The following FAT3 variants were observed in gnomAD, a reference collection of about 807,000 sequenced individuals.
FAT3 encodes protocadherin Fat 3.
FAT3 carries 95 observed loss-of-function variants against 310.2 expected under a neutral mutation model. That is an observed-to-expected ratio of 0.31 (90% CI 0.26 to 0.36). The LOEUF (loss-of-function observed/expected upper bound fraction) is 0.36, where lower values mean the gene tolerates loss of function less well. Among genes scored for constraint, FAT3 ranks in the 10% least tolerant of loss-of-function variants. The pLI, the probability that FAT3 is intolerant of heterozygous loss-of-function variation, is 1.00. For missense variants in FAT3, 5,408 were observed against 5,715.6 expected (o/e 0.95, Z 1.74); for synonymous variants, 2,314 against 2,192.9 (o/e 1.06, Z -1.54).
At chr11:92,267,073 G>C (rs765553484) in intron 1 of FAT3, among the ~76,000 whole-genome samples, 12 of 118,802 alleles carry the variant, frequency 1.0e-4, no homozygotes, top group Non-Finnish European at 1.7e-4. Flanking sequence ...CCTGTCACGC[G>C]GGTGTAGCTT....
At chr11:92,790,280 T>G in intron 8 of FAT3, 62 bp downstream of exon 8, 1 of 1,545,930 alleles carries the variant, frequency 6.5e-7, no homozygotes, top group Non-Finnish European at 8.8e-7. Flanking sequence ...CCACACACAT[T>G]AGCCTTCAGA....
At chr11:92,512,530 A>C (rs1202629757) in intron 2 of FAT3, among the ~76,000 whole-genome samples, 1 of 147,310 alleles carries the variant, frequency 6.8e-6, no homozygotes, top group Non-Finnish European at 1.5e-5. Flanking sequence ...AATATATATA[A>C]ATTATATTTT....
chr11:92,271,749 T>C (rs1379085350), intron 1 of FAT3, among the ~76,000 whole-genome samples: 2 of 152,220 alleles, frequency 1.3e-5, no homozygotes, highest in African/African-American at 4.8e-5. Flanking sequence ...TGCTTTGATA[T>C]GCTGGGCTTA....
intron 4 of FAT3, among the ~76,000 whole-genome samples, chr11:92,741,398 G>A (rs1420189445): frequency 1.3e-5 from 2 of 152,180 alleles, no homozygotes; most frequent in Non-Finnish European, 2.9e-5. Context: ...TAATACAGGT[G>A]CATAAGTGAT....
At chr11:92,511,338 C>A (rs959957043) in intron 2 of FAT3, among the ~76,000 whole-genome samples, 1 of 151,770 alleles carries the variant, frequency 6.6e-6, no homozygotes, top group African/African-American at 2.4e-5. Context: ...TTATTTTGTC[C>A]GGTGATCACA....
chr11:92,412,305 G>C (rs560530505), intron 2 of FAT3, among the ~76,000 whole-genome samples: 1 of 151,052 alleles, frequency 6.6e-6, no homozygotes, highest in East Asian at 2.0e-4. Context: ...GTTTCACCAT[G>C]TTGGCCAGGA....
chr11:92,613,436 C>A (rs1426926258), intron 3 of FAT3, among the ~76,000 whole-genome samples: 5 of 152,086 alleles, frequency 3.3e-5, no homozygotes, highest in African/African-American at 1.2e-4. Context: ...CACAATTAGC[C>A]TCTAAACCAA....
intron 2 of FAT3, among the ~76,000 whole-genome samples, chr11:92,365,417 C>T (rs556138770): frequency 1.3e-5 from 2 of 152,192 alleles, no homozygotes; most frequent in Admixed American, 1.3e-4. Flanking sequence ...ATGATTTTTT[C>T]TTCCACTTGC....
intron 3 of FAT3, among the ~76,000 whole-genome samples, chr11:92,639,208 G>GT (rs1299349209): frequency 6.6e-6 from 1 of 152,140 alleles, no homozygotes; most frequent in African/African-American, 2.4e-5. Flanking sequence ...ATTAATGAGT[G>GT]TAACACCTTC....
chr11:92,619,137 T>C (rs1940964493), intron 3 of FAT3, among the ~76,000 whole-genome samples: 1 of 152,196 alleles, frequency 6.6e-6, no homozygotes, highest in African/African-American at 2.4e-5. Flanking sequence ...TCATGCATCA[T>C]ATTAATTGAT....
intron 2 of FAT3, among the ~76,000 whole-genome samples, chr11:92,378,599 A>G (rs1046287469): frequency 6.6e-6 from 1 of 152,188 alleles, no homozygotes; most frequent in Non-Finnish European, 1.5e-5. Flanking sequence ...AAATATCTTC[A>G]TTCTGAAGTC....
At chr11:92,551,358 C>T (rs1258010562) in intron 3 of FAT3, among the ~76,000 whole-genome samples, 1 of 150,832 alleles carries the variant, frequency 6.6e-6, no homozygotes, top group African/African-American at 2.4e-5. Context: ...TCTCCTCTGC[C>T]TTCCATCTGA....
At chr11:92,501,746 G>A (rs1015850864) in intron 2 of FAT3, among the ~76,000 whole-genome samples, 5 of 151,934 alleles carry the variant, frequency 3.3e-5, no homozygotes, top group African/African-American at 7.3e-5. Context: ...TGTGCCAGTC[G>A]TTGCCTTTGA....
chr11:92,654,659 A>G (rs1371363670), intron 3 of FAT3, among the ~76,000 whole-genome samples: 1 of 152,104 alleles, frequency 6.6e-6, no homozygotes, highest in Non-Finnish European at 1.5e-5. Flanking sequence ...CCCTAACCCA[A>G]CCACCACTAC....
chr11:92,648,872 G>A (rs759175634), intron 3 of FAT3, among the ~76,000 whole-genome samples: 11 of 152,148 alleles, frequency 7.2e-5, no homozygotes, highest in Admixed American at 6.5e-5. Flanking sequence ...GTCCAGAAAC[G>A]AGTATGGATC....
intron 3 of FAT3, among the ~76,000 whole-genome samples, chr11:92,562,244 C>T (rs1955251882): frequency 6.6e-6 from 1 of 152,004 alleles, no homozygotes; most frequent in Non-Finnish European, 1.5e-5. Context: ...TATACAATAC[C>T]TCCTATTTGT....
At chr11:92,563,934 G>A (rs2135478991) in intron 3 of FAT3, among the ~76,000 whole-genome samples, 1 of 151,988 alleles carries the variant, frequency 6.6e-6, no homozygotes, top group African/African-American at 2.4e-5. Flanking sequence ...GCAAAATCAT[G>A]CCAAAATGTA....
At chr11:92,566,566 G>GC in intron 3 of FAT3, among the ~76,000 whole-genome samples, 1 of 151,992 alleles carries the variant, frequency 6.6e-6, no homozygotes, top group East Asian at 1.9e-4. Flanking sequence ...CCAAAAAAGA[G>GC]CCCGCATTGC....
At chr11:92,715,337 G>A (rs1944650630) in intron 4 of FAT3, among the ~76,000 whole-genome samples, 1 of 151,866 alleles carries the variant, frequency 6.6e-6, no homozygotes, top group Non-Finnish European at 1.5e-5. Context: ...GAACCCGGGA[G>A]GCAGAGCTTG....
Sources: gnomAD v4.1 joint callset for allele counts (sites outside exome capture counted in the v4.1 genomes callset) on GRCh38, gnomAD v4.1.1 for gene constraint, MANE v1.5 for transcripts, NCBI Gene and HGNC (gene_info 2026-07-23, HGNC 2026-07-21) for gene names.